Variants in PCDH11X observed in about 807,000 individuals in gnomAD.
The protein encoded by PCDH11X is protocadherin 11 X-linked.
In PCDH11X, 18 loss-of-function variants were observed where a neutral mutation model predicts 53.3. That is an observed-to-expected ratio of 0.34 (90% CI 0.23 to 0.50). PCDH11X has a LOEUF of 0.50. PCDH11X is among the 20% of genes least tolerant of loss of function. The probability of loss-of-function intolerance (pLI) is 0.98; values close to 1 mark genes in which losing one functional copy is unlikely to be tolerated. For synonymous variants in PCDH11X, 279 were observed against 393.3 expected, an observed-to-expected ratio of 0.71 and a Z score of 3.44; for missense variants, 570 against 1,032.4, an observed-to-expected ratio of 0.55 and a Z score of 6.14.
At chrX:92,612,998 T>C (rs1389217716) in intron 10 of PCDH11X, among the ~76,000 whole-genome samples, 3 of 109,495 alleles carry the variant, frequency 2.7e-5, no homozygotes, top group Admixed American at 9.8e-5. Flanking sequence ...TCTATGGATG[T>C]TTATGCATGT....
At chrX:92,009,214 T>A (rs1309983051) in intron 6 of PCDH11X, among the ~76,000 whole-genome samples, 4 of 112,023 alleles carry the variant, frequency 3.6e-5, no homozygotes, top group South Asian at 3.7e-4. Context: ...CTAGCTCAAT[T>A]TCCCTAGCTT....
intron 9 of PCDH11X, among the ~76,000 whole-genome samples, chrX:92,419,301 T>C (rs1363635743): frequency 9.6e-6 from 1 of 103,904 alleles, no homozygotes; most frequent in Non-Finnish European, 2.0e-5. Flanking sequence ...TTTTTTTTTC[T>C]TAGAGACAAG....
chrX:92,312,736 T>C (rs913569004), intron 8 of PCDH11X, among the ~76,000 whole-genome samples: 9 of 112,014 alleles, frequency 8.0e-5, no homozygotes, highest in African/African-American at 9.7e-5. Flanking sequence ...TTCAAGTGAA[T>C]GCTGTTTGAA....
intron 4 of PCDH11X, among the ~76,000 whole-genome samples, chrX:91,826,202 C>A (rs1295370636): frequency 9.0e-6 from 1 of 110,784 alleles, no homozygotes; most frequent in Non-Finnish European, 1.9e-5. Flanking sequence ...ATAGAGAAAA[C>A]ATTTTCTTAT....
intron 5 of PCDH11X, among the ~76,000 whole-genome samples, chrX:91,857,412 T>A (rs1938412548): frequency 1.8e-5 from 2 of 111,491 alleles, no homozygotes; most frequent in African/African-American, 6.5e-5. Context: ...GTCATCACAT[T>A]TTAAAGCCAA....
At chrX:91,819,285 A>T (rs1348248268) in intron 4 of PCDH11X, among the ~76,000 whole-genome samples, 2 of 108,209 alleles carry the variant, frequency 1.8e-5, no homozygotes, top group Admixed American at 1.0e-4. Context: ...AGAAAAAAAA[A>T]TTTAAAGAAG....
chrX:91,940,286 G>A (rs1209525492), intron 6 of PCDH11X, among the ~76,000 whole-genome samples: 3 of 111,301 alleles, frequency 2.7e-5, no homozygotes, highest in Non-Finnish European at 5.7e-5. Context: ...GCCAATTAAA[G>A]ATCTTCTTTT....
intron 7 of PCDH11X, among the ~76,000 whole-genome samples, chrX:92,252,374 T>TACAC (rs757873528): frequency 6.9e-4 from 72 of 104,603 alleles, no homozygotes; most frequent in East Asian, 1.5e-3. Context: ...TTTGTCATGT[T>TACAC]ACACACACAC....
At chrX:91,841,354 T>C (rs1937514963) in intron 5 of PCDH11X, among the ~76,000 whole-genome samples, 2 of 111,572 alleles carry the variant, frequency 1.8e-5, no homozygotes, top group Non-Finnish European at 3.8e-5. Flanking sequence ...AAGTTGGACA[T>C]CGTAAATAGT....
chrX:91,819,228 T>G (rs1318856295), intron 4 of PCDH11X, among the ~76,000 whole-genome samples: 1 of 108,879 alleles, frequency 9.2e-6, no homozygotes, highest in Non-Finnish European at 1.9e-5. Context: ...CATTTTTCAT[T>G]TCTTAATGAG....
chrX:92,249,302 G>C (rs764499768), intron 7 of PCDH11X, among the ~76,000 whole-genome samples: 2 of 111,326 alleles, frequency 1.8e-5, no homozygotes, highest in East Asian at 5.7e-4. Flanking sequence ...ACATCTACAA[G>C]CTTTAATAGA....
chrX:92,463,941 G>A (rs878873990), intron 9 of PCDH11X, among the ~76,000 whole-genome samples: 1 of 111,645 alleles, frequency 9.0e-6, no homozygotes, highest in African/African-American at 3.3e-5. Context: ...GTTCAGTCAA[G>A]CAAAATTCTG....
chrX:92,124,624 T>C (rs993708760), intron 6 of PCDH11X, among the ~76,000 whole-genome samples: 22 of 108,951 alleles, frequency 2.0e-4, no homozygotes, highest in African/African-American at 7.1e-4. Context: ...GGATCTAAAA[T>C]TGGCAATAGC....
At chrX:92,375,781 G>A (rs1383522713) in intron 8 of PCDH11X, among the ~76,000 whole-genome samples, 4 of 108,035 alleles carry the variant, frequency 3.7e-5, no homozygotes, top group Non-Finnish European at 7.7e-5. Flanking sequence ...CCGCCACCAC[G>A]CCCGGCTAAT....
chrX:92,553,755 G>A (rs1282270694), intron 10 of PCDH11X, among the ~76,000 whole-genome samples: 1 of 108,074 alleles, frequency 9.3e-6, no homozygotes, highest in Admixed American at 1.0e-4. Context: ...AGGTTTTGGT[G>A]TTATATTTCC....
At chrX:91,905,128 A>G (rs200001398) in intron 6 of PCDH11X, among the ~76,000 whole-genome samples, 70 of 87,615 alleles carry the variant, frequency 8.0e-4, no homozygotes, top group African/African-American at 2.5e-3. Flanking sequence ...TATTATTATT[A>G]TTATTGTTAT....
intron 6 of PCDH11X, among the ~76,000 whole-genome samples, chrX:91,946,897 T>G (rs1455671785): frequency 5.6e-5 from 6 of 106,729 alleles, no homozygotes; most frequent in Non-Finnish European, 1.2e-4. Context: ...TTTTTATTTT[T>G]GTATTATGAG....
intron 8 of PCDH11X, among the ~76,000 whole-genome samples, chrX:92,293,194 G>T (rs1217849636): frequency 9.0e-6 from 1 of 111,332 alleles, no homozygotes; most frequent in African/African-American, 3.3e-5. Context: ...ACAGAAAATT[G>T]TTTCTGAGGA....
chrX:91,792,874 A>G (rs2147524093), intron 1 of PCDH11X, among the ~76,000 whole-genome samples: 1 of 110,364 alleles, frequency 9.1e-6, no homozygotes, highest in African/African-American at 3.3e-5. Context: ...TTTCCCATTA[A>G]TAGATCACCC....
Sources: allele counts gnomAD v4.1 joint callset (sites outside exome capture counted in the v4.1 genomes callset), GRCh38; gene constraint gnomAD v4.1.1; transcripts MANE v1.5; gene names NCBI Gene and HGNC (gene_info 2026-07-23, HGNC 2026-07-21).